MAP3K21: variants seen among roughly 807,000 people sequenced by gnomAD.
MAP3K21 encodes the protein mitogen-activated protein kinase kinase kinase MLK4.
A neutral mutation model predicts 86.1 loss-of-function variants in MAP3K21; 63 were observed. That is an observed-to-expected ratio of 0.73 (90% confidence interval 0.60 to 0.90). The LOEUF is 0.90. Ranked by LOEUF, MAP3K21 falls within the 40% of genes least tolerant of loss-of-function variation. The probability of loss-of-function intolerance (pLI) is 0.00; values close to 1 mark genes in which losing one functional copy is unlikely to be tolerated. For missense variants in MAP3K21, 1,220 were observed against 1,367.7 expected (o/e 0.89, Z 1.70); for synonymous variants, 558 against 564.8 (o/e 0.99, Z 0.17).
At chr1:233,353,424 C>T (rs6672544) in intron 2 of MAP3K21, among the ~76,000 whole-genome samples, 66,954 of 151,942 alleles carry the variant, frequency 0.44, 15,176 homozygotes, top group Admixed American at 0.55. Flanking sequence ...TAATAATCCT[C>T]AAGAGGTTTT....
In MAP3K21 at chr1:233,362,218, G is replaced by A. The variant is rs757059635; in HGVS notation, c.1477G>A (p.Val493Ile). The A allele has an allele frequency of 6.2e-7, 1 of 1,614,230 alleles. No individual in the cohort carries two copies. The highest frequency in any genetic ancestry group is 8.5e-7 in the Non-Finnish European group (1 of 1,180,040). The change falls in exon 5 of 10, where the codon GTA (valine) becomes ATA (isoleucine). Residue 493 changes from valine to isoleucine, a missense_variant. By Grantham distance (29) the Val-to-Ile change is conservative. Coordinates refer to ENST00000366624, the MANE Select transcript of MAP3K21 (RefSeq NM_032435.3). ...IFQLNQEKPK[V>I]KKRKGKFKRS... ...CCAGCTAAACCAGGAGAAGCCCAAG[G>A]TAAAGAAGAGGAAGGGCAAGTTTAA... is the stretch of plus-strand genomic sequence containing the variant.
Position 233,362,246 on chromosome 1 carries a change from G to A in MAP3K21, c.1505G>A (p.Arg502Lys). 2 of 1,614,232 alleles carry A rather than the reference G, an allele frequency of 1.2e-6. No homozygotes were observed. The highest frequency in any genetic ancestry group is 2.7e-5 in the African/African-American group (2 of 75,064). Residue 502 changes from arginine to lysine, a missense_variant, in exon 5 of 10, where the codon AGA becomes AAA. Transcript: ENST00000366624. ...KVKKRKGKFK[R>K]SRLKLKDGHR... Reference sequence around the variant, plus strand: ...AAGAAGAGGAAGGGCAAGTTTAAGAGAAGTCGTTTAAAGCTCAAAGATGGA... The same window carrying A: ...AAGAAGAGGAAGGGCAAGTTTAAGAAAAGTCGTTTAAAGCTCAAAGATGGA...
chr1:233,345,647 G>A (rs1213139601), intron 1 of MAP3K21, among the ~76,000 whole-genome samples: 1 of 151,644 alleles, frequency 6.6e-6, no homozygotes. Context: ...CGAGTTAATG[G>A]GTGCAGCAAA....
rs540174311 is a variant in MAP3K21, at chr1:233,375,970, A to C, written c.1730A>C (p.Glu577Ala). The C allele has an allele frequency of 3.7e-5, 59 of 1,609,510 alleles. No homozygotes were observed. In the South Asian group the frequency reaches 6.3e-4, roughly 17 times the overall value. The change falls in exon 7 of 10, where the codon GAA (glutamate) becomes GCA (alanine). Residue 577 changes from glutamate to alanine, a missense_variant. This residue lies in a region of MAP3K21 where 632 missense variants were observed against 691.3 expected (regional missense o/e 0.91). Transcript: ENST00000366624. ...GGAAGGAACACAGTCTTTCGACAAG[A>C]AGAATTTGAGGATGTAAAAAGGAAT... ...TWGRNTVFRQ[E>A]EFEDVKRNFK...
chr1:233,366,187 G>A (rs563377684), intron 5 of MAP3K21, among the ~76,000 whole-genome samples: 6 of 152,162 alleles, frequency 3.9e-5, no homozygotes, highest in Non-Finnish European at 5.9e-5. Flanking sequence ...ATTGGGGTGG[G>A]AAGGGCTTGA....
At chr1:233,366,572 C>G (rs1168110533) in intron 5 of MAP3K21, among the ~76,000 whole-genome samples, 3 of 152,134 alleles carry the variant, frequency 2.0e-5, no homozygotes, top group Non-Finnish European at 2.9e-5. Context: ...GATGGAACAG[C>G]GATGCTGTCC....
chr1:233,328,076 G>C lies in MAP3K21; in HGVS notation c.48G>C (p.Ser16=), dbSNP rs1175301155. The part of the protein sequence containing the change: ...AAGATDTPVS[S]AGGAPGGSAS... ...GAGCGACCGACACCCCGGTGTCCTC[G>C]GCCGGGGGAGCCCCCGGCGGCTCAG... Residue 16 remains serine, a synonymous_variant, in exon 1 of 10, where the codon TCG becomes TCC. Coordinates refer to ENST00000366624, the MANE Select transcript of MAP3K21 (RefSeq NM_032435.3). This position sits in a 1 kb window ranked among gnomAD's most constrained non-coding sequence, Gnocchi z 8.7. 2.2e-6 allele frequency: 3 copies of C among 1,349,910 alleles called. No individual in the cohort carries two copies. Among genetic ancestry groups the C allele is most frequent in the Non-Finnish European group, 2.8e-6 (3 of 1,058,224 alleles). The allele number at this position is 1,349,910 out of a possible 1,614,324, so 83.6% of individuals were successfully genotyped here.
At position 233,375,711 on chromosome 1, in the gene MAP3K21, T is replaced by A. The variant is rs1427537275; in HGVS notation, c.1676-205T>A. ...TTACCTCGAATTTGTATCTTTTCTG[T>A]TAACTTACTCCATTTTTCTTGATGT... On this transcript the variant is annotated intron_variant, in intron 6 of 9. Transcript: ENST00000366624. 1.3e-5 allele frequency: 7 copies of A among 524,330 alleles called. No individual in the cohort carries two copies. The East Asian group carries it at 2.0e-4, about 15-fold the overall frequency. 32.5% of individuals were successfully genotyped at this position (524,330 alleles called of 1,614,324 possible). A position where few individuals can be genotyped will look rare whatever the true frequency, so the allele number is the denominator to read the frequency against.
chr1:233,356,857 A>T (rs752292290), intron 4 of MAP3K21, among the ~76,000 whole-genome samples: 1 of 152,254 alleles, frequency 6.6e-6, no homozygotes, highest in African/African-American at 2.4e-5. Flanking sequence ...TGATTGATAG[A>T]AACAGTTAAG....
At chr1:233,338,826 T>C (rs1662963400) in intron 1 of MAP3K21, among the ~76,000 whole-genome samples, 1 of 152,152 alleles carries the variant, frequency 6.6e-6, no homozygotes, top group Admixed American at 6.5e-5. Context: ...CTGATTTACA[T>C]ATTAACAGGA....
Position 233,375,906 on chromosome 1 carries a change from T to G in MAP3K21, c.1676-10T>G, listed in dbSNP as rs764315441. ...GTTGTGGTTAATATGGTTAATAATG[T>G]TCTTTTTAGTGACTTCAGATGAAAG... On this transcript the variant is annotated splice_polypyrimidine_tract_variant and intron_variant, in intron 6 of 9. Transcript: ENST00000366624. The G allele has an allele frequency of 1.2e-6, 2 of 1,606,172 alleles. No homozygotes were observed. Among genetic ancestry groups the G allele is most frequent in the South Asian group, 1.1e-5 (1 of 90,436 alleles).
Position 233,361,978 on chromosome 1 carries a change from C to G in MAP3K21, c.1312-75C>G, listed in dbSNP as rs1572250899. 2.6e-6 allele frequency: 4 copies of G among 1,532,094 alleles called. No individual in the cohort carries two copies. In the South Asian group the frequency reaches 5.0e-5, roughly 19 times the overall value. 94.9% of individuals were successfully genotyped at this position (1,532,094 alleles called of 1,614,324 possible). On this transcript the variant is annotated intron_variant, in intron 4 of 9. Transcript: ENST00000366624. Reference sequence around the variant, plus strand: ...GGAGGAGCCCGTGGCCGAGGGGTCGCCAGTGTAGTGTAATAGACGGAATTC... The same window carrying G: ...GGAGGAGCCCGTGGCCGAGGGGTCGGCAGTGTAGTGTAATAGACGGAATTC...
chr1:233,375,828 C>T (rs1663785038), intron 6 of MAP3K21, 88 bp from the exon 7 acceptor site: 1 of 999,950 alleles, frequency 1.0e-6, no homozygotes, highest in Non-Finnish European at 1.5e-6. Context: ...AGTTTCACAA[C>T]TGATATGATT....
Position 233,379,181 on chromosome 1 carries a change from G to T in MAP3K21, c.2175G>T (p.Gly725=). Residue 725 remains glycine (G), a synonymous_variant, in exon 9 of 10, where the codon GGG becomes GGT. Coordinates refer to ENST00000366624, the MANE Select transcript of MAP3K21 (RefSeq NM_032435.3). ...QRKKTESALY[G]CTVLLASVAL... ...AGAAAACGGAGTCAGCTCTGTATGG[G>T]TGCACCGTCCTTCTGGCATCGGTGG... The T allele has an allele frequency of 6.2e-7, 1 of 1,614,196 alleles. No individual in the cohort carries two copies. The highest frequency in any genetic ancestry group is 8.5e-7 in the Non-Finnish European group (1 of 1,180,036).
At chr1:233,347,173 G>T (rs1476322873) in intron 2 of MAP3K21, among the ~76,000 whole-genome samples, 1 of 152,168 alleles carries the variant, frequency 6.6e-6, no homozygotes, top group Non-Finnish European at 1.5e-5. Flanking sequence ...GGGATTACAG[G>T]TGTGAGCCAC....
chr1:233,356,845 G>A (rs1663367618), intron 4 of MAP3K21, among the ~76,000 whole-genome samples: 1 of 152,176 alleles, frequency 6.6e-6, no homozygotes, highest in South Asian at 2.1e-4. Context: ...TTTACTATAG[G>A]CTGATTGATA....
rs1663965434 is a variant in MAP3K21 at position 233,384,175 on chromosome 1, C to T, written c.*1464C>T. 3 of 152,124 alleles carry T rather than the reference C, an allele frequency of 2.0e-5. No individual in the cohort carries two copies. Among genetic ancestry groups the T allele is most frequent in the Admixed American group, 1.3e-4 (2 of 15,280 alleles). 9.4% of individuals were successfully genotyped at this position (152,124 alleles called of 1,614,324 possible). A position where few individuals can be genotyped will look rare whatever the true frequency, so the allele number is the denominator to read the frequency against. ...ACCTTGCTTAAGGTTTACTGAATAA[C>T]TGAAATGTCAGCAATTTAAAATAAA... On this transcript the variant is annotated 3_prime_UTR_variant, in exon 10 of 10. Transcript: ENST00000366624.
In MAP3K21 at chr1:233,383,408, A is replaced by C. The variant is rs1422362767; in HGVS notation, c.*697A>C. 1 of 111,892 alleles carries C rather than the reference A, an allele frequency of 8.9e-6. No homozygotes were observed. Among genetic ancestry groups the C allele is most frequent in the Non-Finnish European group, 2.0e-5 (1 of 50,280 alleles). 6.9% of individuals were successfully genotyped at this position (111,892 alleles called of 1,614,324 possible). ...ATAAAAGCTTTACTGAATATAAGTT[A>C]TAAGCATTTTATTCATTAGAACTCC... is the stretch of plus-strand genomic sequence containing the variant. On this transcript the variant is annotated 3_prime_UTR_variant, in exon 10 of 10. Transcript: ENST00000366624.
chr1:233,357,416 AAAAAAT>A (rs200107561), intron 4 of MAP3K21, among the ~76,000 whole-genome samples: 1,908 of 152,076 alleles, frequency 0.013, 43 homozygotes, highest in African/African-American at 0.044. Flanking sequence ...AAAAAAAAAG[AAAAAAT>A]AAAAATAAAA....
Sources: allele counts gnomAD v4.1 joint callset (sites outside exome capture counted in the v4.1 genomes callset), GRCh38; gene constraint gnomAD v4.1.1; regional missense constraint gnomAD v4.1.1; non-coding constraint Gnocchi (gnomAD v3.1); transcripts MANE v1.5; gene names NCBI Gene and HGNC (gene_info 2026-07-23, HGNC 2026-07-21).